CPLANE1: variants seen among roughly 807,000 people sequenced by gnomAD.
CPLANE1 encodes the protein ciliogenesis and planar polarity effector complex subunit 1.
CPLANE1 carries 263 observed loss-of-function variants against 362.5 expected under a neutral mutation model. That is an observed-to-expected ratio of 0.73 (90% CI 0.66 to 0.80). The LOEUF (loss-of-function observed/expected upper bound fraction) is 0.80. Ranked by LOEUF, CPLANE1 falls within the 30% of genes least tolerant of loss-of-function variation. The pLI, the probability that CPLANE1 is intolerant of heterozygous loss-of-function variation, is 0.00. For missense variants in CPLANE1, 3,461 were observed against 3,793.4 expected, an observed-to-expected ratio of 0.91 and a Z score of 2.30; for synonymous variants, 1,212 against 1,302.6, an observed-to-expected ratio of 0.93 and a Z score of 1.50.
chr5:37,123,697 A>AT (rs552739315), intron 47 of CPLANE1, among the ~76,000 whole-genome samples: 47 of 150,844 alleles, frequency 3.1e-4, no homozygotes, highest in African/African-American at 4.1e-4. Flanking sequence ...TCATTTTCTT[A>AT]TTTTTTTTTG....
intron 23 of CPLANE1, among the ~76,000 whole-genome samples, chr5:37,186,784 G>A (rs527800640): frequency 1.3e-5 from 2 of 152,232 alleles, no homozygotes; most frequent in African/African-American, 4.8e-5. Context: ...CTATAGCCCG[G>A]CGCGGTGGCT....
At chr5:37,232,859 A>AAAAG (rs1177471615) in intron 8 of CPLANE1, among the ~76,000 whole-genome samples, 2 of 150,464 alleles carry the variant, frequency 1.3e-5, no homozygotes, top group African/African-American at 4.9e-5. Flanking sequence ...AAAAAAAAAA[A>AAAAG]AAAGAAAGAC....
At chr5:37,119,708 G>A (rs1024723396) in intron 50 of CPLANE1, among the ~76,000 whole-genome samples, 19 of 151,978 alleles carry the variant, frequency 1.3e-4, no homozygotes, top group African/African-American at 3.1e-4. Context: ...ATTCAAGGCC[G>A]GGCGTGGTGG....
Position 37,233,444 on chromosome 5 carries a change from G to A in CPLANE1, c.939-2395C>T, listed in dbSNP as rs76593193. On this transcript the variant is annotated intron_variant, in intron 8 of 52. Coordinates refer to ENST00000651892, the MANE Select transcript of CPLANE1 (RefSeq NM_001384732.1). ...TTTTGACTGTTTAGAGCTGGGCTAC[G>A]TCCCACCCTTGGGCTGAGTTTGGGT... 5.9e-3 allele frequency among the ~76,000 whole-genome samples: 899 copies of A among 152,094 alleles called. 11 individuals are homozygous for A. The highest frequency in any genetic ancestry group is 0.021 in the African/African-American group (853 of 41,484).
intron 46 of CPLANE1, among the ~76,000 whole-genome samples, chr5:37,133,456 C>T (rs301863): frequency 0.51 from 76,824 of 151,736 alleles, 22,341 homozygotes; most frequent in African/African-American, 0.82. Flanking sequence ...AGAAGTGTTT[C>T]GTAGTTCTCC....
intron 16 of CPLANE1, among the ~76,000 whole-genome samples, chr5:37,213,297 T>G (rs1472827329): frequency 6.6e-6 from 1 of 152,158 alleles, no homozygotes; most frequent in Non-Finnish European, 1.5e-5. Context: ...AAATAATTAA[T>G]AAATTAAAAT....
In CPLANE1 at chr5:37,224,248, C is replaced by G; in HGVS notation, c.2581+5G>C. ...TATGGCACATATTTTTTAACACTCT[C>G]TTACCTTTCTCTTCGATTTCTTGTA... On this transcript the variant is annotated splice_donor_5th_base_variant and intron_variant, in intron 14 of 52. Transcript: ENST00000651892. The G allele has an allele frequency of 1.3e-6, 2 of 1,539,288 alleles. No homozygotes were observed. The highest frequency in any genetic ancestry group is 2.4e-5 in the South Asian group (2 of 83,204).
At position 37,170,075 on chromosome 5, in the gene CPLANE1, A is replaced by G. The variant is rs1779345646; in HGVS notation, c.6428T>C (p.Ile2143Thr). 1.2e-6 allele frequency: 2 copies of G among 1,613,974 alleles called. No individual in the cohort carries two copies. Among genetic ancestry groups the G allele is most frequent in the Non-Finnish European group, 1.7e-6 (2 of 1,180,026 alleles). ...KNSPHCHEGT[I>T]PSGQNSTGNV... Reference sequence around the variant, plus strand: ...TCCAGTACTATTTTGACCAGATGGGATAGTTCCTTCATGGCAGTGTGGGCT... The same window carrying G: ...TCCAGTACTATTTTGACCAGATGGGGTAGTTCCTTCATGGCAGTGTGGGCT... Residue 2143 changes from isoleucine to threonine, a missense_variant, in exon 33 of 53, where the codon ATC becomes ACC. Physicochemically the swap from Ile to Thr is moderately conservative, Grantham distance 89. Transcript: ENST00000651892.
At chr5:37,156,482 G>T (rs1775143299) in intron 41 of CPLANE1, among the ~76,000 whole-genome samples, 1 of 152,012 alleles carries the variant, frequency 6.6e-6, no homozygotes, top group African/African-American at 2.4e-5. Flanking sequence ...GTGTGTGCTT[G>T]TAATCCTAGC....
Position 37,249,368 on chromosome 5 carries a change from C to T in CPLANE1, c.-171G>A, listed in dbSNP as rs1237772292. ...CGCCAGCCCTGACGCGAGCCTGCGT[C>T]CTGGCGACGGCGGAGGGCGGGCAGG... On this transcript the variant is annotated 5_prime_UTR_variant, in exon 1 of 53. Coordinates refer to ENST00000651892, the MANE Select transcript of CPLANE1 (RefSeq NM_001384732.1). 1 of 152,342 alleles carries T rather than the reference C, an allele frequency of 6.6e-6. No individual in the cohort carries two copies. The highest frequency in any genetic ancestry group is 1.5e-5 in the Non-Finnish European group (1 of 68,170). The allele number at this position is 152,342 out of a possible 1,614,324, so 9.4% of individuals were successfully genotyped here.
At chr5:37,190,819 T>C (rs1785328082) in intron 21 of CPLANE1, among the ~76,000 whole-genome samples, 1 of 152,190 alleles carries the variant, frequency 6.6e-6, no homozygotes, top group Non-Finnish European at 1.5e-5. Flanking sequence ...GTGTTTATGG[T>C]GACAACTGTG....
At chr5:37,131,405 A>G (rs1015314873) in intron 46 of CPLANE1, among the ~76,000 whole-genome samples, 3 of 152,174 alleles carry the variant, frequency 2.0e-5, no homozygotes. Context: ...TTATAAATAC[A>G]AGAACTACTG....
intron 9 of CPLANE1, among the ~76,000 whole-genome samples, chr5:37,228,267 TATTTAA>T (rs1288805091): frequency 4.6e-5 from 7 of 152,170 alleles, no homozygotes; most frequent in Admixed American, 2.0e-4. Context: ...AAATTTTACC[TATTTAA>T]ATTTGAGTTT....
chr5:37,113,204 C>A (rs1292977199), intron 51 of CPLANE1, among the ~76,000 whole-genome samples: 1 of 152,170 alleles, frequency 6.6e-6, no homozygotes. Flanking sequence ...ATAATTCCCA[C>A]GTGCTGTGGG....
chr5:37,154,456 G>GTTCTTTTTTTTT (rs1774445187), intron 41 of CPLANE1, among the ~76,000 whole-genome samples: 1 of 83,128 alleles, frequency 1.2e-5, no homozygotes, highest in Non-Finnish European at 2.1e-5. Context: ...ATTTGCAATA[G>GTTCTTTTTTTTT]TTCTTTTTTT....
chr5:37,106,798 A>G lies in CPLANE1; in HGVS notation c.*804T>C. The G allele has an allele frequency of 1.1e-6, 1 of 949,852 alleles. No homozygotes were observed. The highest frequency in any genetic ancestry group is 1.3e-6 in the Non-Finnish European group (1 of 797,600). The allele number at this position is 949,852 out of a possible 1,614,324, so 58.8% of individuals were successfully genotyped here. A position where few individuals can be genotyped will look rare whatever the true frequency, so the allele number is the denominator to read the frequency against. On this transcript the variant is annotated 3_prime_UTR_variant, in exon 53 of 53. Coordinates refer to ENST00000651892, the MANE Select transcript of CPLANE1 (RefSeq NM_001384732.1). The stretch of plus-strand genomic sequence containing the variant: ...TTTTCAGATGATAGTGTGCTTTTAT[A>G]TTATACCAAACATTGATGAAGTAGT...
chr5:37,198,901 G>C, intron 19 of CPLANE1, 35 bp from the exon 20 acceptor site: 1 of 1,590,844 alleles, frequency 6.3e-7, no homozygotes, highest in Middle Eastern at 1.7e-4. Flanking sequence ...TTAGTGGCTA[G>C]TAATGAGAAA....
chr5:37,131,026 C>T (rs1416498669), intron 46 of CPLANE1, among the ~76,000 whole-genome samples: 1 of 152,210 alleles, frequency 6.6e-6, no homozygotes, highest in Non-Finnish European at 1.5e-5. Flanking sequence ...GAAGAACATA[C>T]AGAAATAGTT....
chr5:37,210,124 A>T, intron 16 of CPLANE1: 1 of 914,112 alleles, frequency 1.1e-6, no homozygotes, highest in Non-Finnish European at 1.8e-6. Flanking sequence ...AAAGCTTGTC[A>T]AGCAAAATCT....
Sources: allele counts gnomAD v4.1 joint callset (sites outside exome capture counted in the v4.1 genomes callset), GRCh38; gene constraint gnomAD v4.1.1; transcripts MANE v1.5; gene names NCBI Gene and HGNC (gene_info 2026-07-23, HGNC 2026-07-21).